Variants in CHD7 observed in about 807,000 individuals in gnomAD.
CHD7 encodes chromodomain helicase DNA binding protein 7.
A neutral mutation model predicts 307.3 loss-of-function variants in CHD7; 24 were observed. That is an observed-to-expected ratio of 0.08 (90% CI 0.06 to 0.11). CHD7 has a LOEUF of 0.11. Ranked by LOEUF, CHD7 falls within the 10% of genes least tolerant of loss-of-function variation. CHD7 has a pLI of 1.00. For synonymous variants in CHD7, 1,363 were observed against 1,349.9 expected (o/e 1.01, Z -0.21); for missense variants, 3,106 against 3,727.1 (o/e 0.83, Z 4.34).
At chr8:60,860,530 T>C (rs1805921525) in intron 34 of CHD7, among the ~76,000 whole-genome samples, 1 of 152,212 alleles carries the variant, frequency 6.6e-6, no homozygotes, top group African/African-American at 2.4e-5. Flanking sequence ...TACCTCCTGA[T>C]TTCAAGTGAT....
chr8:60,839,127 CT>C (rs1164828281), intron 19 of CHD7, among the ~76,000 whole-genome samples: 2 of 152,194 alleles, frequency 1.3e-5, no homozygotes, highest in Admixed American at 1.3e-4. Context: ...CATGAATCTA[CT>C]TTCTTTTTCT....
chr8:60,856,721 C>G lies in CHD7; in HGVS notation c.7441C>G (p.Gln2481Glu). The G allele has an allele frequency of 1.2e-6, 2 of 1,614,032 alleles. No homozygotes were observed. The highest frequency in any genetic ancestry group is 1.7e-6 in the Non-Finnish European group (2 of 1,179,898). Residue 2481 changes from glutamine to glutamate, a missense_variant, in exon 34 of 38, where the codon CAA becomes GAA. This residue lies in a region of CHD7 where 1,030 missense variants were observed against 1,165.4 expected (regional missense o/e 0.88). Coordinates refer to ENST00000423902, the MANE Select transcript of CHD7 (RefSeq NM_017780.4). ...ACCAGTGTCTGATGCCTTTAAGACT[C>G]AAATGGAACTGCTCCAAGCAGGCCT... Reference protein sequence around the residue: ...STPVSDAFKTQMELLQAGLSR... With the variant: ...STPVSDAFKTEMELLQAGLSR...
chr8:60,758,280 C>T (rs1199827760), intron 2 of CHD7, among the ~76,000 whole-genome samples: 1 of 152,044 alleles, frequency 6.6e-6, no homozygotes, highest in Non-Finnish European at 1.5e-5. Context: ...AGACTACCCA[C>T]CTGGCTAATT....
chr8:60,756,575 G>A (rs758806476), intron 2 of CHD7, among the ~76,000 whole-genome samples: 3 of 152,202 alleles, frequency 2.0e-5, no homozygotes, highest in Non-Finnish European at 4.4e-5. Context: ...TATCTGGGGG[G>A]CTGAGGCAGG....
chr8:60,824,293 A>T, intron 13 of CHD7: 1 of 426,332 alleles, frequency 2.3e-6, no homozygotes, highest in Non-Finnish European at 4.1e-6. Context: ...TTTGTTCATA[A>T]ATACAGGTTG....
chr8:60,823,943 T>C lies in CHD7; in HGVS notation c.3305T>C (p.Val1102Ala). ...PELRNIPWRC[V>A]VIDEAHRLKN... ...CTGCGGAATATTCCATGGCGCTGTG[T>C]AGTCATTGATGAAGCCCACAGGCTG... The change falls in exon 13 of 38, where the codon GTA (valine) becomes GCA (alanine). Residue 1102 changes from valine (V) to alanine (A), a missense_variant. Val to Ala is a moderately conservative substitution (Grantham distance 64). Transcript: ENST00000423902. 3 of 1,613,908 alleles carry C rather than the reference T, an allele frequency of 1.9e-6. No homozygotes were observed. The highest frequency in any genetic ancestry group is 1.3e-5 in the African/African-American group (1 of 75,050).
rs1317412492 is a variant in CHD7 at position 60,850,526 on chromosome 8, C to T, written c.5438C>T (p.Pro1813Leu). ...YEKYNSMRAD[P>L]ALCFLERVGM... ...AAGTACAACTCCATGCGAGCTGACCCCGCGCTGTGCTTTCTGGAACGAGTC... is the reference window on the plus strand; with the variant it reads ...AAGTACAACTCCATGCGAGCTGACCTCGCGCTGTGCTTTCTGGAACGAGTC... Residue 1813 changes from proline (P) to leucine (L), a missense_variant, in exon 26 of 38, where the codon CCC becomes CTC. Physicochemically the swap from Pro to Leu is moderately conservative, Grantham distance 98 (BLOSUM62 -3). Around this residue, in one of 10 missense-constraint regions of CHD7, gnomAD observed 1,030 missense variants for 1,165.4 expected, o/e 0.88. Transcript: ENST00000423902. 17 of 1,613,594 alleles carry T rather than the reference C, an allele frequency of 1.1e-5. No individual in the cohort carries two copies. The highest frequency in any genetic ancestry group is 1.4e-5 in the Non-Finnish European group (17 of 1,179,776).
At chr8:60,714,335 C>A (rs925893536) in intron 1 of CHD7, among the ~76,000 whole-genome samples, 1 of 137,380 alleles carries the variant, frequency 7.3e-6, no homozygotes, top group Non-Finnish European at 1.5e-5. Flanking sequence ...GGCTCGGGGC[C>A]GGAGCTGCGG....
At chr8:60,737,742 T>C (rs927523018) in intron 1 of CHD7, among the ~76,000 whole-genome samples, 1 of 152,238 alleles carries the variant, frequency 6.6e-6, no homozygotes, top group African/African-American at 2.4e-5. Flanking sequence ...CTACATATTC[T>C]CACATTTAGT....
chr8:60,861,315 T>A (rs1283536046), intron 35 of CHD7, 190 bp downstream of exon 35: 14 of 555,354 alleles, frequency 2.5e-5, no homozygotes, highest in Non-Finnish European at 3.8e-5. Context: ...TCTGTCTTAC[T>A]GAAGGCAGCC....
At chr8:60,751,684 C>T (rs1367184680) in intron 2 of CHD7, among the ~76,000 whole-genome samples, 1 of 152,094 alleles carries the variant, frequency 6.6e-6, no homozygotes, top group Non-Finnish European at 1.5e-5. Flanking sequence ...TGGTGTGTCA[C>T]CAGGAGTGAG....
chr8:60,750,495 G>C (rs1352284261), intron 2 of CHD7, among the ~76,000 whole-genome samples: 1 of 152,170 alleles, frequency 6.6e-6, no homozygotes, highest in African/African-American at 2.4e-5. Context: ...CCAGTTATAT[G>C]ATGGGAGCTA....
intron 2 of CHD7, among the ~76,000 whole-genome samples, chr8:60,769,736 A>G (rs1236506021): frequency 6.6e-6 from 1 of 152,202 alleles, no homozygotes; most frequent in African/African-American, 2.4e-5. Context: ...GAAAGAGAAT[A>G]GTGTTTTTTT....
chr8:60,832,054 C>G (rs1184819384), intron 15 of CHD7, among the ~76,000 whole-genome samples: 2 of 152,112 alleles, frequency 1.3e-5, no homozygotes, highest in Non-Finnish European at 2.9e-5. Context: ...TAGGTTCTCA[C>G]TCTGGCGCCC....
At chr8:60,852,784 C>A (rs373107371) in intron 30 of CHD7, 45 bp from the exon 31 acceptor site, 11 of 1,608,032 alleles carry the variant, frequency 6.8e-6, no homozygotes, top group Non-Finnish European at 9.4e-6. Context: ...ATGTAGAATG[C>A]CCTTGAATTC....
At chr8:60,681,168 C>G (rs117229666) in intron 1 of CHD7, among the ~76,000 whole-genome samples, 1,794 of 152,214 alleles carry the variant, frequency 0.012, 15 homozygotes, top group Non-Finnish European at 0.018. Flanking sequence ...TGACTGTGAC[C>G]TTAGCAGCAT....
chr8:60,816,663 A>T (rs1395933267), intron 8 of CHD7, among the ~76,000 whole-genome samples, 162 bp downstream of exon 8: 4 of 152,238 alleles, frequency 2.6e-5, no homozygotes, highest in African/African-American at 9.6e-5. Context: ...TAAACAGGAA[A>T]TTTCTCATTC....
At chr8:60,765,373 A>G (rs1201572060) in intron 2 of CHD7, among the ~76,000 whole-genome samples, 7 of 152,258 alleles carry the variant, frequency 4.6e-5, no homozygotes, top group African/African-American at 1.4e-4. Flanking sequence ...TGACAAGAGT[A>G]TAACATGCTG....
chr8:60,699,935 A>G (rs1233356483), intron 1 of CHD7, among the ~76,000 whole-genome samples: 2 of 151,614 alleles, frequency 1.3e-5, no homozygotes, highest in East Asian at 1.9e-4. Flanking sequence ...GGTTCAAGCA[A>G]TTCTCCTGCC....
Sources: gnomAD v4.1 joint callset for allele counts (sites outside exome capture counted in the v4.1 genomes callset) on GRCh38, gnomAD v4.1.1 for gene constraint, gnomAD v4.1.1 regional missense constraint, MANE v1.5 for transcripts, NCBI Gene and HGNC (gene_info 2026-07-23, HGNC 2026-07-21) for gene names.